The following KIAA1217 variants were observed in gnomAD, a reference collection of about 807,000 sequenced individuals.
The protein encoded by KIAA1217 is sickle tail protein homolog.
Under a neutral mutation model 163.9 loss-of-function variants are expected in KIAA1217, and 88 were observed. The observed-to-expected ratio is 0.54, with a 90% CI of 0.45 to 0.64. The LOEUF is 0.64. Among genes scored for constraint, KIAA1217 ranks in the 30% least tolerant of loss-of-function variants. KIAA1217 has a pLI of 0.00. For missense variants in KIAA1217, 2,372 were observed against 2,475.0 expected, an observed-to-expected ratio of 0.96 and a Z score of 0.88; for synonymous variants, 903 against 923.1, an observed-to-expected ratio of 0.98 and a Z score of 0.39.
chr10:23,852,314 C>A (rs1454631017), intron 1 of KIAA1217, among the ~76,000 whole-genome samples: 2 of 152,116 alleles, frequency 1.3e-5, no homozygotes, highest in African/African-American at 2.4e-5. Context: ...TGTCAAAGAT[C>A]AGATAGTTGT....
intron 2 of KIAA1217, among the ~76,000 whole-genome samples, chr10:24,141,233 C>CCCCT (rs1554882515): frequency 7.6e-6 from 1 of 132,350 alleles, no homozygotes; most frequent in Admixed American, 7.5e-5. Flanking sequence ...AAACCCCCCC[C>CCCCT]CCCCATTTCT....
chr10:23,787,410 G>A (rs1398255197), intron 1 of KIAA1217, among the ~76,000 whole-genome samples: 3 of 152,160 alleles, frequency 2.0e-5, no homozygotes, highest in African/African-American at 4.8e-5. Flanking sequence ...CCAGGAGCAG[G>A]AACCAGGTCC....
At chr10:23,828,194 C>T (rs1181313777) in intron 1 of KIAA1217, among the ~76,000 whole-genome samples, 3 of 152,150 alleles carry the variant, frequency 2.0e-5, no homozygotes, top group African/African-American at 7.2e-5. Flanking sequence ...CTGAAAATCT[C>T]CCCAAAACAC....
intron 1 of KIAA1217, among the ~76,000 whole-genome samples, chr10:23,975,620 C>A (rs1845507911): frequency 2.0e-5 from 3 of 152,132 alleles, no homozygotes; most frequent in African/African-American, 7.2e-5. Context: ...AGGGACTTCC[C>A]ATGTCACATG....
rs558144748 is a variant in KIAA1217, at chr10:23,790,335, G to A, written c.-321+95101G>A. On this transcript the variant is annotated intron_variant, in intron 1 of 18. Coordinates refer to the KIAA1217 transcript ENST00000376462. ...TATACATATGCACATATGCATATAT[G>A]CATATATACATATGCATATATGCAT... Among the ~76,000 whole-genome samples, 7 of 93,218 alleles carry A rather than the reference G, an allele frequency of 7.5e-5. 2 individuals carry two copies. The highest frequency in any genetic ancestry group is 2.8e-4 in the South Asian group (1 of 3,594). 61.2% of individuals were successfully genotyped at this position (93,218 alleles called of 152,430 possible). A position where few individuals can be genotyped will look rare whatever the true frequency, so the allele number is the denominator to read the frequency against.
chr10:23,991,914 T>A (rs754181761), intron 1 of KIAA1217, among the ~76,000 whole-genome samples: 1 of 152,136 alleles, frequency 6.6e-6, no homozygotes, highest in Non-Finnish European at 1.5e-5. Context: ...GAGTACATTA[T>A]CCCATTAAAT....
intron 17 of KIAA1217, among the ~76,000 whole-genome samples, chr10:24,537,966 C>T (rs140986992): frequency 2.0e-5 from 3 of 152,290 alleles, no homozygotes; most frequent in Non-Finnish European, 2.9e-5. Context: ...ATTAAGCTTC[C>T]ATCTAAACTT....
chr10:24,122,839 C>T (rs918665530), intron 2 of KIAA1217, among the ~76,000 whole-genome samples: 16 of 151,680 alleles, frequency 1.1e-4, no homozygotes, highest in African/African-American at 3.6e-4. Context: ...TGAAGCTATG[C>T]CCCCATGGTC....
At chr10:23,996,430 G>C (rs1846486830) in intron 1 of KIAA1217, among the ~76,000 whole-genome samples, 1 of 152,164 alleles carries the variant, frequency 6.6e-6, no homozygotes, top group African/African-American at 2.4e-5. Flanking sequence ...CTTGTGGTGA[G>C]TTTTTCTTCC....
intron 6 of KIAA1217, among the ~76,000 whole-genome samples, chr10:24,489,125 G>A (rs1260829219): frequency 2.6e-5 from 4 of 152,078 alleles, no homozygotes; most frequent in African/African-American, 9.7e-5. Context: ...ACCTAGTAGG[G>A]ACTCTCAGAA....
chr10:24,077,269 A>G (rs770183126), intron 2 of KIAA1217, among the ~76,000 whole-genome samples: 6 of 152,164 alleles, frequency 3.9e-5, no homozygotes, highest in Non-Finnish European at 8.8e-5. Flanking sequence ...TTAGCTGCAC[A>G]GATCATCCCA....
At position 23,969,879 on chromosome 10, in the gene KIAA1217, G is replaced by A. The variant is rs565354021; in HGVS notation, c.-320-37346G>A. The stretch of plus-strand genomic sequence containing the variant: ...ATGGACTCACAGTTCCACGTGGGTG[G>A]GGAGGCCTCACAATCATGGCAGAAG... On this transcript the variant is annotated intron_variant, in intron 1 of 18. Transcript: ENST00000376462. Among the ~76,000 whole-genome samples, 47 of 152,308 alleles carry A rather than the reference G, an allele frequency of 3.1e-4. 1 individual carries two copies. The South Asian group carries it at 9.5e-3, about 31-fold the overall frequency.
intron 1 of KIAA1217, among the ~76,000 whole-genome samples, chr10:23,954,949 G>A (rs1344306943): frequency 6.6e-6 from 1 of 152,146 alleles, no homozygotes. Context: ...CTTTGCTACT[G>A]ATTAACATGG....
intron 2 of KIAA1217, among the ~76,000 whole-genome samples, chr10:24,333,466 G>T (rs1410505355): frequency 1.3e-5 from 2 of 152,154 alleles, no homozygotes; most frequent in African/African-American, 2.4e-5. Flanking sequence ...GGGGGTATGT[G>T]TGCAGGTTTG....
At chr10:24,243,930 G>A (rs2073444668) in intron 2 of KIAA1217, among the ~76,000 whole-genome samples, 1 of 152,162 alleles carries the variant, frequency 6.6e-6, no homozygotes, top group African/African-American at 2.4e-5. Flanking sequence ...CGATCGCATT[G>A]AGCAGAGCAC....
At chr10:24,451,523 AC>A (rs2061371187) in intron 5 of KIAA1217, among the ~76,000 whole-genome samples, 1 of 152,230 alleles carries the variant, frequency 6.6e-6, no homozygotes, top group Admixed American at 6.5e-5. Flanking sequence ...AACAGCATCA[AC>A]AGGGGATGCA....
At chr10:24,046,293 C>T (rs1277043094) in intron 2 of KIAA1217, among the ~76,000 whole-genome samples, 1 of 152,098 alleles carries the variant, frequency 6.6e-6, no homozygotes, top group Admixed American at 6.5e-5. Context: ...GGCCAGCACA[C>T]TTCTAAGCAC....
At chr10:23,797,678 T>C (rs1269802094) in intron 1 of KIAA1217, among the ~76,000 whole-genome samples, 1 of 152,132 alleles carries the variant, frequency 6.6e-6, no homozygotes, top group African/African-American at 2.4e-5. Flanking sequence ...CACACCCATT[T>C]AAACCACCAA....
In KIAA1217 at chr10:23,830,666, A is replaced by ATAGGTAGGTAGG. The variant is rs143607296; in HGVS notation, c.-321+135464_-321+135475dup. Among the ~76,000 whole-genome samples the ATAGGTAGGTAGG allele has an allele frequency of 4.1e-3, 601 of 147,868 alleles. 4 individuals carry two copies. Among genetic ancestry groups the ATAGGTAGGTAGG allele is most frequent in the Middle Eastern group, 0.01 (3 of 286 alleles). ...GACGATTGATAGAAAATGAGAAATCATAGGTAGGTAGGTAGGTAGGTAGGT... is the reference window on the plus strand; with the variant it reads ...GACGATTGATAGAAAATGAGAAATCATAGGTAGGTAGGTAGGTAGGTAGGTAGGTAGGTAGGT... On this transcript the variant is annotated intron_variant, in intron 1 of 18. Coordinates refer to the KIAA1217 transcript ENST00000376462.
Sources: gnomAD v4.1 joint callset for allele counts (sites outside exome capture counted in the v4.1 genomes callset) on GRCh38, gnomAD v4.1.1 for gene constraint, MANE v1.5 for transcripts, NCBI Gene and HGNC (gene_info 2026-07-23, HGNC 2026-07-21) for gene names.